RAD51C: variants seen among roughly 807,000 people sequenced by gnomAD.
RAD51C encodes the protein RAD51 paralog C.
RAD51C carries 42 observed loss-of-function variants against 45.0 expected under a neutral mutation model. The ratio of observed to expected loss-of-function variants is 0.93; its 90% CI spans 0.73 to 1.21. The LOEUF (loss-of-function observed/expected upper bound fraction) is 1.21. Ranked by LOEUF, RAD51C falls within the 50% of genes most tolerant of loss-of-function variation. The probability of loss-of-function intolerance (pLI) is 0.00; values close to 1 mark genes in which losing one functional copy is unlikely to be tolerated. For synonymous variants in RAD51C, 172 were observed against 159.8 expected, an observed-to-expected ratio of 1.08 and a Z score of -0.58; for missense variants, 474 against 452.2, an observed-to-expected ratio of 1.05 and a Z score of -0.44.
chr17:58,709,171 AG>A (rs776983128), intron 4 of RAD51C, among the ~76,000 whole-genome samples: 1 of 144,772 alleles, frequency 6.9e-6, no homozygotes, highest in Admixed American at 7.3e-5. Flanking sequence ...CTCTGCCACC[AG>A]GGTTCAAGAG....
chr17:58,719,330 A>G (rs1173537209), intron 5 of RAD51C, among the ~76,000 whole-genome samples: 1 of 151,950 alleles, frequency 6.6e-6, no homozygotes, highest in African/African-American at 2.4e-5. Context: ...CTCCTGCCTC[A>G]GCCTCCTGAG....
intron 5 of RAD51C, among the ~76,000 whole-genome samples, chr17:58,715,632 G>T (rs73329066): frequency 6.6e-6 from 1 of 151,882 alleles, no homozygotes; most frequent in African/African-American, 2.4e-5. Flanking sequence ...TTCACTTAGC[G>T]TGATGTTTTC....
At chr17:58,698,635 A>T (rs958596666) in intron 3 of RAD51C, among the ~76,000 whole-genome samples, 1 of 149,820 alleles carries the variant, frequency 6.7e-6, no homozygotes, top group African/African-American at 2.4e-5. Flanking sequence ...AGCCTTAAAC[A>T]GTTTTTTGAA....
chr17:58,732,195 C>T, intron 7 of RAD51C: 1 of 296,474 alleles, frequency 3.4e-6, no homozygotes, highest in Non-Finnish European at 6.4e-6. Context: ...ATATTTTCTT[C>T]CACGTTTAGT....
At chr17:58,722,150 AGTTT>A (rs1447502522) in intron 6 of RAD51C, among the ~76,000 whole-genome samples, 1 of 152,164 alleles carries the variant, frequency 6.6e-6, no homozygotes, top group Non-Finnish European at 1.5e-5. Flanking sequence ...TTTTCTAGTC[AGTTT>A]ATTTTCTTCC....
chr17:58,731,506 G>A (rs1407068078), intron 7 of RAD51C, among the ~76,000 whole-genome samples: 2 of 152,158 alleles, frequency 1.3e-5, no homozygotes, highest in Non-Finnish European at 2.9e-5. Context: ...TGATCTGCCT[G>A]CCTTGGCCTC....
intron 5 of RAD51C, among the ~76,000 whole-genome samples, chr17:58,720,533 C>T (rs917145271): frequency 6.6e-5 from 10 of 151,976 alleles, no homozygotes; most frequent in Admixed American, 3.9e-4. Context: ...TGAAGTGGCA[C>T]GCTCTTGGCT....
At chr17:58,705,363 C>T (rs1279873156) in intron 4 of RAD51C, among the ~76,000 whole-genome samples, 5 of 148,982 alleles carry the variant, frequency 3.4e-5, no homozygotes, top group African/African-American at 1.2e-4. Context: ...GGTGGAGTTT[C>T]GCTTTTGTCA....
At chr17:58,733,142 A>G (rs558276081) in intron 8 of RAD51C, among the ~76,000 whole-genome samples, 1 of 152,112 alleles carries the variant, frequency 6.6e-6, no homozygotes, top group Admixed American at 6.6e-5. Flanking sequence ...CAGCCTCCCT[A>G]GTAGCTGGGA....
intron 3 of RAD51C, 94 bp downstream of exon 3, chr17:58,696,953 G>GTTGC: frequency 7.1e-7 from 1 of 1,404,584 alleles, no homozygotes; most frequent in Non-Finnish European, 1.0e-6. Context: ...CATTTGGAAT[G>GTTGC]TGAAGCCTAA....
intron 1 of RAD51C, 148 bp downstream of exon 1, chr17:58,692,936 C>G: frequency 8.5e-7 from 1 of 1,171,870 alleles, no homozygotes; most frequent in South Asian, 1.3e-5. Context: ...AGCTCCTCGA[C>G]TCCACTTACA....
intron 5 of RAD51C, among the ~76,000 whole-genome samples, chr17:58,718,020 G>T (rs1329420856): frequency 1.3e-5 from 2 of 151,860 alleles, no homozygotes; most frequent in Non-Finnish European, 1.5e-5. Flanking sequence ...TTTTGAGTTG[G>T]AGTCTTGCTC....
rs1598484818 is a variant in RAD51C, at chr17:58,709,970, G to A, written c.817G>A (p.Ala273Thr). ...NGLAQQMISL[A>T]NNHRLAVILT... ...CCTAGCCCAGCAAATGATCAGCCTT[G>A]CAAATAATCACAGATTAGCTGTAAG... The change falls in exon 5 of 9, where the codon GCA becomes ACA. Residue 273 changes from alanine to threonine, a missense_variant. Ala to Thr is a moderately conservative substitution (Grantham distance 58). Coordinates refer to ENST00000337432, the MANE Select transcript of RAD51C (RefSeq NM_058216.3). 2 of 1,613,068 alleles carry A rather than the reference G, an allele frequency of 1.2e-6. No homozygotes were observed. Among genetic ancestry groups the A allele is most frequent in the Non-Finnish European group, 1.7e-6 (2 of 1,179,162 alleles).
Position 58,692,602 on chromosome 17 carries a change from G to GC in RAD51C, c.-42_-41insC. 1 of 1,612,312 alleles carries GC rather than the reference G, an allele frequency of 6.2e-7. No homozygotes were observed. Reference sequence around the variant, plus strand: ...TCACGCCGCACGCCCCAGCGAGGGCGTGCGGAGTTTGGCTGCTCCGGGGTT... The same window carrying GC: ...TCACGCCGCACGCCCCAGCGAGGGCGCTGCGGAGTTTGGCTGCTCCGGGGTT... On this transcript the variant is annotated 5_prime_UTR_variant, in exon 1 of 9. Coordinates refer to ENST00000337432, the MANE Select transcript of RAD51C (RefSeq NM_058216.3).
At chr17:58,733,844 G>A (rs1275095039) in intron 8 of RAD51C, among the ~76,000 whole-genome samples, 1 of 152,098 alleles carries the variant, frequency 6.6e-6, no homozygotes, top group Non-Finnish European at 1.5e-5. Flanking sequence ...TCAGCCTCCA[G>A]AGTAGCTGGG....
chr17:58,692,736 G>A lies in RAD51C; in HGVS notation c.93G>A (p.Gly31=), dbSNP rs769255656. The change falls in exon 1 of 9, where the codon GGG becomes GGA. Residue 31 remains glycine (G), a synonymous_variant. Coordinates refer to ENST00000337432, the MANE Select transcript of RAD51C (RefSeq NM_058216.3). ...PAVRVKLVSA[G]FQTAEELLEV... is the part of the protein sequence containing the mutation. ...TGCGGGTGAAGCTGGTGTCTGCGGG[G>A]TTCCAGACTGCTGAGGAACTCCTAG... 1.2e-6 allele frequency: 2 copies of A among 1,614,258 alleles called. No individual in the cohort carries two copies. The highest frequency in any genetic ancestry group is 1.7e-6 in the Non-Finnish European group (2 of 1,180,046).
At position 58,710,209 on chromosome 17, in the gene RAD51C, C is replaced by T. The variant is rs147439137; in HGVS notation, c.837+219C>T. ...AATTAATGGACTTTGTGGTTGAGCG[C>T]GGTAGCTCGTGCCTGTAATCCCAGC... is the stretch of plus-strand genomic sequence containing the variant. On this transcript the variant is annotated intron_variant, in intron 5 of 8. Coordinates refer to ENST00000337432, the MANE Select transcript of RAD51C (RefSeq NM_058216.3). Among the ~76,000 whole-genome samples, 12 of 148,426 alleles carry T rather than the reference C, an allele frequency of 8.1e-5. No individual in the cohort carries two copies. In the East Asian group the frequency reaches 1.8e-3, roughly 22 times the overall value.
intron 5 of RAD51C, among the ~76,000 whole-genome samples, chr17:58,720,424 AAATAAAAT>A (rs1418440311): frequency 6.8e-6 from 1 of 147,610 alleles, no homozygotes; most frequent in Non-Finnish European, 1.5e-5. Flanking sequence ...TCAAAAAAAA[AAATAAAAT>A]AAAAAATAAA....
At chr17:58,705,191 G>A (rs1046434223) in intron 4 of RAD51C, among the ~76,000 whole-genome samples, 3 of 151,892 alleles carry the variant, frequency 2.0e-5, no homozygotes, top group Non-Finnish European at 4.4e-5. Context: ...TAGAGTTCTG[G>A]AGCCTAAAAG....
Sources: gnomAD v4.1 joint callset for allele counts (sites outside exome capture counted in the v4.1 genomes callset) on GRCh38, gnomAD v4.1.1 for gene constraint, MANE v1.5 for transcripts, NCBI Gene and HGNC (gene_info 2026-07-23, HGNC 2026-07-21) for gene names.